Variants in BAIAP2 observed in about 807,000 individuals in gnomAD.
The protein encoded by BAIAP2 is BAR/IMD domain containing adaptor protein 2.
BAIAP2 carries 18 observed loss-of-function variants against 63.0 expected under a neutral mutation model. That is an observed-to-expected ratio of 0.29 (90% CI 0.20 to 0.42). The LOEUF (loss-of-function observed/expected upper bound fraction) is 0.42. Ranked by LOEUF, BAIAP2 falls within the 10% of genes least tolerant of loss-of-function variation. BAIAP2 has a pLI of 1.00. For synonymous variants in BAIAP2, 386 were observed against 307.6 expected (o/e 1.25, Z -2.67); for missense variants, 610 against 734.3 (o/e 0.83, Z 1.96).
chr17:81,064,503 G>A (rs2051125163), intron 3 of BAIAP2, among the ~76,000 whole-genome samples: 1 of 152,260 alleles, frequency 6.6e-6, no homozygotes, highest in Non-Finnish European at 1.5e-5. Context: ...GCTGCTCCAA[G>A]TGAGCCCCAG....
intron 6 of BAIAP2, among the ~76,000 whole-genome samples, chr17:81,088,578 C>T (rs898674510): frequency 2.6e-5 from 4 of 152,238 alleles, no homozygotes; most frequent in Non-Finnish European, 5.9e-5. Flanking sequence ...CTGTTATGGA[C>T]ATTCTGCGTA....
At chr17:81,114,576 C>A (rs370865659) in intron 13 of BAIAP2, among the ~76,000 whole-genome samples, 6 of 152,238 alleles carry the variant, frequency 3.9e-5, no homozygotes, top group African/African-American at 1.4e-4. Context: ...TGCTTAGACG[C>A]CATCTGGGAG....
In BAIAP2 at chr17:81,105,198, T is replaced by C. The variant is rs1247118747; in HGVS notation, c.1268+483T>C. On this transcript the variant is annotated intron_variant, in intron 10 of 13. Coordinates refer to ENST00000428708, the MANE Select transcript of BAIAP2 (RefSeq NM_001144888.2). ...AGGGGTCTCCCCCCAATGGCTCGGGTCTCCCCCACATGGCTGTTGTCTTCC... is the reference window on the plus strand; with the variant it reads ...AGGGGTCTCCCCCCAATGGCTCGGGCCTCCCCCACATGGCTGTTGTCTTCC... The C allele has an allele frequency of 1.4e-4, 23 of 167,010 alleles. 1 individual carries two copies. The highest frequency in any genetic ancestry group is 1.3e-5 in the Non-Finnish European group (1 of 76,334). The allele number at this position is 167,010 out of a possible 1,614,324, so 10.3% of individuals were successfully genotyped here.
intron 3 of BAIAP2, among the ~76,000 whole-genome samples, chr17:81,068,918 C>G (rs529134311): frequency 2.2e-4 from 34 of 152,312 alleles, no homozygotes; most frequent in African/African-American, 7.9e-4. Context: ...TGTGTGCCCG[C>G]TGCCGAGCTC....
At chr17:81,090,043 C>G (rs575648174) in intron 6 of BAIAP2, among the ~76,000 whole-genome samples, 63 of 152,298 alleles carry the variant, frequency 4.1e-4, no homozygotes, top group African/African-American at 1.5e-3. Flanking sequence ...GAGCAGCCTC[C>G]TTTCTCTAGA....
chr17:81,057,618 A>G (rs2049811827), intron 2 of BAIAP2: 4 of 1,193,800 alleles, frequency 3.4e-6, no homozygotes, highest in Non-Finnish European at 4.2e-6. Flanking sequence ...GCTCTCTGCA[A>G]TTTGACTTGA....
intron 6 of BAIAP2, among the ~76,000 whole-genome samples, chr17:81,093,298 G>A (rs951645354): frequency 1.3e-5 from 2 of 152,324 alleles, no homozygotes; most frequent in Middle Eastern, 3.4e-3. Context: ...AGCCAGCTCT[G>A]GAGGCTTCCT....
intron 3 of BAIAP2, among the ~76,000 whole-genome samples, chr17:81,078,149 G>T (rs1056452444): frequency 3.4e-5 from 5 of 144,946 alleles, no homozygotes; most frequent in Non-Finnish European, 7.6e-5. Context: ...GTGCCATCTC[G>T]GAGCTGGATG....
Position 81,046,798 on chromosome 17 carries a change from G to T in BAIAP2, c.55-6870G>T, listed in dbSNP as rs1029156887. On this transcript the variant is annotated intron_variant, in intron 1 of 13. Transcript: ENST00000428708. This position sits in a 1 kb window ranked among gnomAD's most constrained non-coding sequence, Gnocchi z 4.5. ...TCTGTCCCGTGCGCCCTTCCCTGGA[G>T]CCTGGCATCCTAGGCAGAGTCCCGT... 2.6e-5 allele frequency among the ~76,000 whole-genome samples: 4 copies of T among 152,152 alleles called. No homozygotes were observed. Among genetic ancestry groups the T allele is most frequent in the African/African-American group, 9.7e-5 (4 of 41,436 alleles).
At chr17:81,111,826 C>G (rs2146148709) in intron 13 of BAIAP2, among the ~76,000 whole-genome samples, 1 of 152,358 alleles carries the variant, frequency 6.6e-6, no homozygotes, top group East Asian at 1.9e-4. Flanking sequence ...TGCTTCCCAC[C>G]ACCCTTCCAT....
chr17:81,066,461 G>C (rs2051484040), intron 3 of BAIAP2, among the ~76,000 whole-genome samples: 1 of 152,250 alleles, frequency 6.6e-6, no homozygotes, highest in African/African-American at 2.4e-5. Flanking sequence ...TGTCCAGAGT[G>C]AGGCAGGTGT....
chr17:81,108,731 G>A lies in BAIAP2; in HGVS notation c.1535+222G>A, dbSNP rs932467729. On this transcript the variant is annotated intron_variant, in intron 13 of 13. Transcript: ENST00000428708. The stretch of plus-strand genomic sequence containing the variant: ...TGCCCCTCTTTCATCGCATCTGGCC[G>A]GCCCCATCCATCCCTGTCAGGCAAG... The A allele has an allele frequency of 2.4e-5, 21 of 859,460 alleles. No individual in the cohort carries two copies. The South Asian group carries it at 2.9e-4, about 12-fold the overall frequency. 53.2% of individuals were successfully genotyped at this position (859,460 alleles called of 1,614,324 possible).
chr17:81,105,970 C>A, intron 10 of BAIAP2, 108 bp from the exon 11 acceptor site: 1 of 926,582 alleles, frequency 1.1e-6, no homozygotes, highest in Non-Finnish European at 1.7e-6. Context: ...CAGAGACAGC[C>A]GCGCAGCCAT....
At chr17:81,105,002 GATCTCCCCCAATGGCAGGT>G (rs879442271) in intron 10 of BAIAP2, 35 of 350,298 alleles carry the variant, frequency 1.0e-4, no homozygotes, top group Middle Eastern at 8.5e-4. Context: ...CAACGGCAGG[GATCTCCCCCAATGGCAGGT>G]ATCTCCCCCA....
intron 1 of BAIAP2, among the ~76,000 whole-genome samples, chr17:81,045,883 A>AG (rs1195673685): frequency 1.3e-5 from 2 of 152,220 alleles, no homozygotes; most frequent in South Asian, 2.1e-4. Context: ...CCCCCGGGGA[A>AG]GGGTGGGGGA....
At position 81,110,809 on chromosome 17, in the gene BAIAP2, A is replaced by G. The variant is rs532701425; in HGVS notation, c.1535+2300A>G. On this transcript the variant is annotated intron_variant, in intron 13 of 13. Transcript: ENST00000428708. ...GCTGTGTGCCGACTCCGAGTGCTCC[A>G]GGGTTCTAGGTCTCCTGGCAGCTCG... 8.2e-3 allele frequency: 11,882 copies of G among 1,455,798 alleles called. 79 individuals are homozygous for G. The highest frequency in any genetic ancestry group is 8.5e-3 in the Non-Finnish European group (8,836 of 1,038,846). 90.2% of individuals were successfully genotyped at this position (1,455,798 alleles called of 1,614,324 possible).
At chr17:81,055,757 G>A (rs2049441689) in intron 2 of BAIAP2, among the ~76,000 whole-genome samples, 1 of 151,822 alleles carries the variant, frequency 6.6e-6, no homozygotes, top group African/African-American at 2.4e-5. Flanking sequence ...AGTAGAGACG[G>A]GGTTTCACTG....
intron 13 of BAIAP2, among the ~76,000 whole-genome samples, chr17:81,111,810 G>A (rs988586331): frequency 1.3e-5 from 2 of 152,198 alleles, no homozygotes; most frequent in African/African-American, 2.4e-5. Context: ...GTGTCTGGGC[G>A]GGTCCTGCTT....
chr17:81,104,139 G>A, intron 9 of BAIAP2, 31 bp downstream of exon 9: 1 of 1,608,872 alleles, frequency 6.2e-7, no homozygotes, highest in Non-Finnish European at 8.5e-7. Flanking sequence ...TTGGGCTGGG[G>A]TCCCTGGACG....
Sources: allele counts gnomAD v4.1 joint callset (sites outside exome capture counted in the v4.1 genomes callset), GRCh38; gene constraint gnomAD v4.1.1; non-coding constraint Gnocchi (gnomAD v3.1); transcripts MANE v1.5; gene names NCBI Gene and HGNC (gene_info 2026-07-23, HGNC 2026-07-21).